CPE: variants seen among roughly 807,000 people sequenced by gnomAD.
The protein encoded by CPE is carboxypeptidase E.
Under a neutral mutation model 53.5 loss-of-function variants are expected in CPE, and 17 were observed. The observed-to-expected ratio is 0.32, with a 90% confidence interval of 0.22 to 0.48. The LOEUF is 0.48. Among genes scored for constraint, CPE ranks in the 20% least tolerant of loss-of-function variants. CPE has a pLI of 0.99. For synonymous variants in CPE, 226 were observed against 228.8 expected (o/e 0.99, Z 0.11); for missense variants, 524 against 614.7 (o/e 0.85, Z 1.56).
At position 165,379,137 on chromosome 4, in the gene CPE, G is replaced by A; in HGVS notation, c.-85G>A. 1.7e-6 allele frequency: 2 copies of A among 1,149,448 alleles called. No individual in the cohort carries two copies. Among genetic ancestry groups the A allele is most frequent in the South Asian group, 4.4e-5 (1 of 22,580 alleles). 71.2% of individuals were successfully genotyped at this position (1,149,448 alleles called of 1,614,324 possible). A position where few individuals can be genotyped will look rare whatever the true frequency, so the allele number is the denominator to read the frequency against. ...GGTGCGGAACTTGCCGCCCCCAGCA[G>A]CGCCGGCGGGCTAAGCCCAGGGCCG... On this transcript the variant is annotated 5_prime_UTR_variant, in exon 1 of 9. Coordinates refer to ENST00000402744, the MANE Select transcript of CPE (RefSeq NM_001873.4). This position sits in a 1 kb window ranked among gnomAD's most constrained non-coding sequence, Gnocchi z 6.0.
In CPE at chr4:165,433,513, C is replaced by T. The variant is rs577291409; in HGVS notation, c.308-30877C>T. 8.5e-5 allele frequency among the ~76,000 whole-genome samples: 13 copies of T among 152,280 alleles called. No individual in the cohort carries two copies. In the South Asian group the frequency reaches 2.7e-3, roughly 32 times the overall value. On this transcript the variant is annotated intron_variant, in intron 1 of 8. Transcript: ENST00000402744. Reference sequence around the variant, plus strand: ...CCTCTCAGCCCCTCCAATTCATTCTCCGCACCAGGTGTGGGCAAACTTTTT... The same window carrying T: ...CCTCTCAGCCCCTCCAATTCATTCTTCGCACCAGGTGTGGGCAAACTTTTT...
chr4:165,391,760 T>C (rs573700756), intron 1 of CPE, among the ~76,000 whole-genome samples: 2 of 152,242 alleles, frequency 1.3e-5, no homozygotes, highest in Admixed American at 1.3e-4. Context: ...GAAGAGGTAT[T>C]TCAAAAGGGA....
chr4:165,428,606 G>A (rs569978083), intron 1 of CPE, among the ~76,000 whole-genome samples: 11 of 152,068 alleles, frequency 7.2e-5, no homozygotes, highest in South Asian at 6.2e-4. Flanking sequence ...TCTAGAGACC[G>A]GAAGTTTGAA....
At chr4:165,398,114 C>CTAAATAAT (rs1285983729) in intron 1 of CPE, among the ~76,000 whole-genome samples, 2 of 148,142 alleles carry the variant, frequency 1.4e-5, no homozygotes, top group Non-Finnish European at 3.0e-5. Context: ...TACATTCATA[C>CTAAATAAT]TAAATAATTT....
rs534006541 is a variant in CPE, at chr4:165,393,568, G to A, written c.307+14040G>A. 5.3e-5 allele frequency among the ~76,000 whole-genome samples: 8 copies of A among 152,292 alleles called. No individual in the cohort carries two copies. In the East Asian group the frequency reaches 1.5e-3, roughly 29 times the overall value. On this transcript the variant is annotated intron_variant, in intron 1 of 8. Transcript: ENST00000402744. Reference sequence around the variant, plus strand: ...TAAACAACCTGCCCAAGGTTTTGAAGCCCAGGAGGCTTGGAACTCATTTTC... The same window carrying A: ...TAAACAACCTGCCCAAGGTTTTGAAACCCAGGAGGCTTGGAACTCATTTTC...
intron 1 of CPE, among the ~76,000 whole-genome samples, chr4:165,422,075 G>C (rs1251995613): frequency 6.6e-6 from 1 of 151,914 alleles, no homozygotes; most frequent in Admixed American, 6.6e-5. Context: ...AAAATAACAG[G>C]GAAAACTTTT....
At chr4:165,484,947 A>G (rs1732482453) in intron 5 of CPE, among the ~76,000 whole-genome samples, 1 of 152,210 alleles carries the variant, frequency 6.6e-6, no homozygotes, top group Non-Finnish European at 1.5e-5. Context: ...TATGCCAGTC[A>G]TGCTCTTTCA....
At chr4:165,408,233 G>A (rs7699011) in intron 1 of CPE, among the ~76,000 whole-genome samples, 39 of 151,848 alleles carry the variant, frequency 2.6e-4, no homozygotes, top group Non-Finnish European at 2.5e-4. Context: ...AAACCATTGC[G>A]TAATCTAAGG....
At chr4:165,407,068 T>G (rs1730965535) in intron 1 of CPE, among the ~76,000 whole-genome samples, 1 of 152,212 alleles carries the variant, frequency 6.6e-6, no homozygotes, top group Admixed American at 6.5e-5. Flanking sequence ...CAAGTTTTTT[T>G]TGTGGATATG....
chr4:165,486,937 A>G (rs1579283367), intron 5 of CPE, among the ~76,000 whole-genome samples: 1 of 152,222 alleles, frequency 6.6e-6, no homozygotes, highest in East Asian at 1.9e-4. Flanking sequence ...GACTTGTCTC[A>G]TCATTTTCCT....
In CPE at chr4:165,379,554, C is replaced by G. The variant is rs966203267; in HGVS notation, c.307+26C>G. On this transcript the variant is annotated intron_variant, in intron 1 of 8. Coordinates refer to ENST00000402744, the MANE Select transcript of CPE (RefSeq NM_001873.4). This position sits in a 1 kb window ranked among gnomAD's most constrained non-coding sequence, Gnocchi z 6.0. ...GTAAGGGCGCTGCCCCCTGACAGCC[C>G]TGGGGGCATCCCGGAGGGGGGCGGC... is the stretch of plus-strand genomic sequence containing the variant. The G allele has an allele frequency of 4.8e-6, 6 of 1,250,158 alleles. No individual in the cohort carries two copies. The East Asian group carries it at 3.5e-4, about 73-fold the overall frequency. 77.4% of individuals were successfully genotyped at this position (1,250,158 alleles called of 1,614,324 possible). A position where few individuals can be genotyped will look rare whatever the true frequency, so the allele number is the denominator to read the frequency against.
At chr4:165,485,359 A>G (rs1312390184) in intron 5 of CPE, among the ~76,000 whole-genome samples, 1 of 152,218 alleles carries the variant, frequency 6.6e-6, no homozygotes, top group Non-Finnish European at 1.5e-5. Context: ...AAAATTTGTT[A>G]GGGTAATAAG....
At chr4:165,449,049 C>T (rs1731766013) in intron 1 of CPE, among the ~76,000 whole-genome samples, 1 of 152,200 alleles carries the variant, frequency 6.6e-6, no homozygotes, top group African/African-American at 2.4e-5. Context: ...CAGGCACATG[C>T]ACCTGTGTGT....
In CPE at chr4:165,406,019, G is replaced by A. The variant is rs545923657; in HGVS notation, c.307+26491G>A. ...TGTTACTTCTTGAGGGGTCTTGCAA[G>A]TGGCTAAAATGTTGATATCAGCACC... is the stretch of plus-strand genomic sequence containing the variant. On this transcript the variant is annotated intron_variant, in intron 1 of 8. Transcript: ENST00000402744. The A allele has an allele frequency of 3.2e-4, 242 of 755,058 alleles. No individual in the cohort carries two copies. In the African/African-American group the frequency reaches 3.5e-3, roughly 11 times the overall value. The allele number at this position is 755,058 out of a possible 1,614,324, so 46.8% of individuals were successfully genotyped here.
chr4:165,447,543 C>A (rs1013766693), intron 1 of CPE, among the ~76,000 whole-genome samples: 3 of 151,026 alleles, frequency 2.0e-5, no homozygotes, highest in Non-Finnish European at 4.4e-5. Context: ...TGCACTCCAG[C>A]CTGGGCGACA....
In CPE at chr4:165,491,087, A is replaced by T. The variant is rs531134198; in HGVS notation, c.1114-2084A>T. Among the ~76,000 whole-genome samples, 4 of 152,326 alleles carry T rather than the reference A, an allele frequency of 2.6e-5. No homozygotes were observed. In the East Asian group the frequency reaches 7.7e-4, roughly 29 times the overall value. On this transcript the variant is annotated intron_variant, in intron 6 of 8. Coordinates refer to ENST00000402744, the MANE Select transcript of CPE (RefSeq NM_001873.4). ...CTACACTGGAATTTTTCAAACAGAA[A>T]AGTTGACATATCACAGACAGACATT...
At chr4:165,452,307 CAAAGA>C (rs1293855839) in intron 1 of CPE, among the ~76,000 whole-genome samples, 1 of 151,988 alleles carries the variant, frequency 6.6e-6, no homozygotes, top group Admixed American at 6.5e-5. Flanking sequence ...GTTTCCAGCA[CAAAGA>C]AAAGATAAAT....
At chr4:165,474,032 C>T (rs1172798867) in intron 3 of CPE, among the ~76,000 whole-genome samples, 1 of 152,234 alleles carries the variant, frequency 6.6e-6, no homozygotes, top group South Asian at 2.1e-4. Context: ...CTCATTTGTC[C>T]CATTGGGGCA....
At chr4:165,447,874 G>A (rs965501265) in intron 1 of CPE, among the ~76,000 whole-genome samples, 1 of 151,962 alleles carries the variant, frequency 6.6e-6, no homozygotes, top group African/African-American at 2.4e-5. Context: ...CCTACACAGG[G>A]TCAGGAACAT....
Sources: gnomAD v4.1 joint callset for allele counts (sites outside exome capture counted in the v4.1 genomes callset) on GRCh38, gnomAD v4.1.1 for gene constraint, Gnocchi (gnomAD v3.1) non-coding constraint, MANE v1.5 for transcripts, NCBI Gene and HGNC (gene_info 2026-07-23, HGNC 2026-07-21) for gene names.